Variants in TSFM observed in about 807,000 individuals in gnomAD.
TSFM encodes Ts translation elongation factor, mitochondrial.
In TSFM, 29 loss-of-function variants were observed where a neutral mutation model predicts 33.4. The observed-to-expected ratio is 0.87, with a 90% CI of 0.65 to 1.18. TSFM has a LOEUF of 1.18. TSFM is among the 50% of genes most tolerant of loss of function. TSFM has a pLI of 0.00. For synonymous variants in TSFM, 178 were observed against 163.5 expected (o/e 1.09, Z -0.68); for missense variants, 394 against 395.6 (o/e 1.00, Z 0.04).
chr12:57,789,006 C>G lies in TSFM; in HGVS notation c.483+1844C>G, dbSNP rs143107552. ...TTTGAGATGGAGTCTCTCTGTCACC[C>G]AGGCTGGAGTGCAATGGTGCCATCT... On this transcript the variant is annotated intron_variant, in intron 4 of 5. Coordinates refer to ENST00000652027, the MANE Select transcript of TSFM (RefSeq NM_005726.6). 4.5e-3 allele frequency among the ~76,000 whole-genome samples: 674 copies of G among 150,780 alleles called. 4 individuals carry two copies. Among genetic ancestry groups the G allele is most frequent in the Middle Eastern group, 0.034 (10 of 294 alleles).
At chr12:57,791,420 T>C (rs1460771192) in intron 4 of TSFM, among the ~76,000 whole-genome samples, 1 of 152,240 alleles carries the variant, frequency 6.6e-6, no homozygotes, top group Non-Finnish European at 1.5e-5. Flanking sequence ...TTCTCTCCCT[T>C]CTACCCCGTT....
At chr12:57,792,756 C>A (rs189418859) in intron 4 of TSFM, among the ~76,000 whole-genome samples, 2 of 152,284 alleles carry the variant, frequency 1.3e-5, no homozygotes, top group Admixed American at 1.3e-4. Flanking sequence ...CCATGCCCAA[C>A]TAATTTTTGT....
intron 5 of TSFM, among the ~76,000 whole-genome samples, chr12:57,795,335 G>C (rs1254373000): frequency 6.8e-6 from 1 of 146,198 alleles, no homozygotes; most frequent in African/African-American, 2.5e-5. Context: ...CACAACCTCA[G>C]GTGATCTGCC....
chr12:57,784,747 G>A (rs1955566543), intron 2 of TSFM, among the ~76,000 whole-genome samples: 1 of 151,678 alleles, frequency 6.6e-6, no homozygotes, highest in South Asian at 2.1e-4. Context: ...TGGTGTGGTG[G>A]CAAGGGCCTG....
At position 57,783,745 on chromosome 12, in the gene TSFM, C is replaced by T. The variant is rs570021854; in HGVS notation, c.231+462C>T. 2.3e-3 allele frequency: 1,317 copies of T among 575,758 alleles called. 1 individual carries two copies. Among genetic ancestry groups the T allele is most frequent in the Non-Finnish European group, 3.1e-3 (1,023 of 325,548 alleles). The allele number at this position is 575,758 out of a possible 1,614,324, so 35.7% of individuals were successfully genotyped here. On this transcript the variant is annotated intron_variant, in intron 2 of 5. Transcript: ENST00000652027. ...AGTAGTTGGGATTACAGGCGTGCGC[C>T]ACGACACCCGGCTATTTTATTTTTT...
Position 57,786,381 on chromosome 12 carries a change from A to G in TSFM, c.360+90A>G. ...CCCTAAAGGGGCCTGTTCTTGAAGA[A>G]GAGATCTGTTTAAGAACCATAAAGC... On this transcript the variant is annotated intron_variant, in intron 3 of 5. Coordinates refer to ENST00000652027, the MANE Select transcript of TSFM (RefSeq NM_005726.6). 3.5e-6 allele frequency: 5 copies of G among 1,428,678 alleles called. No individual in the cohort carries two copies. The South Asian group carries it at 6.0e-5, about 17-fold the overall frequency. The allele number at this position is 1,428,678 out of a possible 1,614,324, so 88.5% of individuals were successfully genotyped here.
In TSFM at chr12:57,783,663, G is replaced by T. The variant is rs777359437; in HGVS notation, c.231+380G>T. On this transcript the variant is annotated intron_variant, in intron 2 of 5. Coordinates refer to ENST00000652027, the MANE Select transcript of TSFM (RefSeq NM_005726.6). ...GGCCGGCGTGCAATGGCACGATGTT[G>T]GCTCACTGCAACCTCCGCCTCCCGG... 1.6e-5 allele frequency: 9 copies of T among 576,128 alleles called. 1 individual carries two copies. The highest frequency in any genetic ancestry group is 1.4e-4 in the South Asian group (9 of 65,282). The allele number at this position is 576,128 out of a possible 1,614,324, so 35.7% of individuals were successfully genotyped here.
intron 2 of TSFM, among the ~76,000 whole-genome samples, chr12:57,784,336 CA>C: frequency 6.6e-6 from 1 of 152,324 alleles, no homozygotes; most frequent in Admixed American, 6.5e-5. Flanking sequence ...TGCCTTAGGA[CA>C]CTATGGTGCA....
chr12:57,799,460 T>A (rs895873302), downstream of TSFM, among the ~76,000 whole-genome samples: 1 of 152,218 alleles, frequency 6.6e-6, no homozygotes, highest in African/African-American at 2.4e-5. Context: ...CCGTGCCATA[T>A]ATTTTAAAGA....
intron 2 of TSFM, 138 bp from the exon 3 acceptor site, chr12:57,786,025 G>C (rs1042653042): frequency 8.3e-6 from 9 of 1,087,728 alleles, no homozygotes; most frequent in Admixed American, 6.4e-5. Context: ...TTTAGTGGTA[G>C]ACTGCCAGTA....
downstream of TSFM, chr12:57,802,518 G>C (rs1437740482): frequency 2.4e-6 from 2 of 828,740 alleles, no homozygotes; most frequent in Non-Finnish European, 4.0e-6. Flanking sequence ...GAATCAGCTT[G>C]ATGTTTATCA....
downstream of TSFM, among the ~76,000 whole-genome samples, chr12:57,799,509 AG>A (rs771184876): frequency 4.6e-5 from 7 of 152,236 alleles, no homozygotes; most frequent in South Asian, 2.1e-4. Context: ...TTGTAGGAAC[AG>A]GTGGAAACCA....
At chr12:57,791,898 C>T in intron 4 of TSFM, 1 of 336,760 alleles carries the variant, frequency 3.0e-6, no homozygotes, top group Non-Finnish European at 6.1e-6. Flanking sequence ...ATTTTGCATT[C>T]CCATCAAAAA....
At position 57,796,702 on chromosome 12, in the gene TSFM, T is replaced by C. The variant is rs1050135925; in HGVS notation, c.*119T>C. The C allele has an allele frequency of 8.0e-7, 1 of 1,250,136 alleles. No homozygotes were observed. Among genetic ancestry groups the C allele is most frequent in the African/African-American group, 1.5e-5 (1 of 64,740 alleles). The allele number at this position is 1,250,136 out of a possible 1,614,324, so 77.4% of individuals were successfully genotyped here. On this transcript the variant is annotated 3_prime_UTR_variant, in exon 6 of 6. Transcript: ENST00000652027. ...ATGCATGGGTAAAATTATTAAATAG[T>C]TGTATAATAAAAATAATTTTTTCCT...
At chr12:57,793,094 T>C (rs758610222) in intron 5 of TSFM, 21 bp downstream of exon 5, 19 of 1,593,738 alleles carry the variant, frequency 1.2e-5, no homozygotes, top group Non-Finnish European at 1.6e-5. Flanking sequence ...GTAAAGGTTC[T>C]GGAAACTGGA....
downstream of TSFM, chr12:57,802,437 C>G (rs1955869544): frequency 7.0e-7 from 1 of 1,437,452 alleles, no homozygotes; most frequent in African/African-American, 1.4e-5. Flanking sequence ...TTTCCCCTTT[C>G]TTTCGTGAGC....
At chr12:57,802,329 G>T (rs1955865986), downstream of TSFM, 1 of 1,612,548 alleles carries the variant, frequency 6.2e-7, no homozygotes, top group African/African-American at 1.3e-5. Context: ...ATTGGCCTCA[G>T]CCCCAATCCA....
At chr12:57,787,246 T>C (rs1955603425) in intron 4 of TSFM, 84 bp downstream of exon 4, 1 of 1,343,018 alleles carries the variant, frequency 7.4e-7, no homozygotes, top group Non-Finnish European at 1.0e-6. Context: ...CATTCTCATG[T>C]CTCATTCTGT....
Position 57,787,026 on chromosome 12 carries a change from A to C in TSFM, c.361-14A>C. ...TTAAACAGCTTATACAGCTATATCA[A>C]TTTGTTCCCACAGGTAAACTGTGAG... On this transcript the variant is annotated splice_polypyrimidine_tract_variant and intron_variant, in intron 3 of 5. Coordinates refer to ENST00000652027, the MANE Select transcript of TSFM (RefSeq NM_005726.6). The C allele has an allele frequency of 2.5e-6, 4 of 1,612,600 alleles. No homozygotes were observed. The highest frequency in any genetic ancestry group is 3.4e-6 in the Non-Finnish European group (4 of 1,179,304).
Sources: gnomAD v4.1 joint callset for allele counts (sites outside exome capture counted in the v4.1 genomes callset) on GRCh38, gnomAD v4.1.1 for gene constraint, MANE v1.5 for transcripts, NCBI Gene and HGNC (gene_info 2026-07-23, HGNC 2026-07-21) for gene names.